Variants in SMAD4 observed in about 807,000 individuals in gnomAD.
SMAD4 encodes the protein MAD homolog 4.
Under a neutral mutation model 63.2 loss-of-function variants are expected in SMAD4, and 7 were observed. That is an observed-to-expected ratio of 0.11 (90% CI 0.06 to 0.21). The LOEUF is 0.21. Among genes scored for constraint, SMAD4 ranks in the 10% least tolerant of loss-of-function variants. SMAD4 has a pLI of 1.00. For synonymous variants in SMAD4, 215 were observed against 235.4 expected, an observed-to-expected ratio of 0.91 and a Z score of 0.79; for missense variants, 312 against 693.8, an observed-to-expected ratio of 0.45 and a Z score of 6.18.
intron 4 of SMAD4, among the ~76,000 whole-genome samples, chr18:51,050,060 A>G (rs1307617305): frequency 6.6e-6 from 1 of 152,176 alleles, no homozygotes; most frequent in Non-Finnish European, 1.5e-5. Context: ...AGAAACTCTT[A>G]TAAAGAACCA....
chr18:51,036,272 C>T (rs1909203782), intron 1 of SMAD4, among the ~76,000 whole-genome samples: 1 of 152,092 alleles, frequency 6.6e-6, no homozygotes, highest in Non-Finnish European at 1.5e-5. Flanking sequence ...GGTATTATTT[C>T]TGTATGTTAA....
intron 10 of SMAD4, among the ~76,000 whole-genome samples, chr18:51,073,238 T>C (rs1910364560): frequency 6.6e-6 from 1 of 151,602 alleles, no homozygotes; most frequent in South Asian, 2.1e-4. Context: ...AGAGAGCCTA[T>C]GTGTGACATA....
intron 1 of SMAD4, among the ~76,000 whole-genome samples, chr18:51,040,194 A>G (rs759938694): frequency 6.6e-6 from 1 of 152,138 alleles, no homozygotes; most frequent in African/African-American, 2.4e-5. Flanking sequence ...TGGGAGGCCA[A>G]GGCGGGCAGA....
intron 8 of SMAD4, 102 bp from the exon 9 acceptor site, chr18:51,065,321 T>C: frequency 1.1e-6 from 1 of 928,192 alleles, no homozygotes; most frequent in South Asian, 1.3e-5. Flanking sequence ...CCATCTCCCC[T>C]CCCTTTACCC....
At chr18:51,037,070 G>A (rs1909228748) in intron 1 of SMAD4, among the ~76,000 whole-genome samples, 2 of 152,210 alleles carry the variant, frequency 1.3e-5, no homozygotes, top group Non-Finnish European at 2.9e-5. Context: ...TGTAATCCCA[G>A]CTTCTTGGGA....
At chr18:51,063,054 A>G (rs959714100) in intron 8 of SMAD4, among the ~76,000 whole-genome samples, 6 of 150,950 alleles carry the variant, frequency 4.0e-5, no homozygotes, top group Non-Finnish European at 5.9e-5. Flanking sequence ...GGGTTTCACT[A>G]TGTTGGTCAG....
chr18:51,042,714 A>T (rs1442030072), intron 1 of SMAD4, among the ~76,000 whole-genome samples: 1 of 150,130 alleles, frequency 6.7e-6, no homozygotes, highest in East Asian at 2.0e-4. Context: ...TTTGTTTTTT[A>T]TTTTTGAGAC....
At chr18:51,045,131 G>T (rs1909502920) in intron 1 of SMAD4, 1 of 152,298 alleles carries the variant, frequency 6.6e-6, no homozygotes, top group Admixed American at 6.5e-5. Context: ...AAAGACTGAG[G>T]TAAAGAATCT....
intron 8 of SMAD4, among the ~76,000 whole-genome samples, chr18:51,062,851 GTTTTT>G (rs71171374): frequency 4.6e-5 from 3 of 65,386 alleles, no homozygotes; most frequent in African/African-American, 6.4e-5. Flanking sequence ...GGCTTTACTT[GTTTTT>G]TTTTTTTTTT....
chr18:51,059,859 T>G lies in SMAD4; in HGVS notation c.905-7T>G. On this transcript the variant is annotated splice_polypyrimidine_tract_variant and splice_region_variant and intron_variant, in intron 7 of 11. Coordinates refer to ENST00000342988, the MANE Select transcript of SMAD4 (RefSeq NM_005359.6). ...TAAAAATGGAATTTTTGTTGTCTTT[T>G]CTTTAGGGCCTGTTCACAATGAGCT... The G allele has an allele frequency of 6.2e-7, 1 of 1,609,072 alleles. No homozygotes were observed. Among genetic ancestry groups the G allele is most frequent in the East Asian group, 2.2e-5 (1 of 44,784 alleles).
intron 4 of SMAD4, chr18:51,051,385 A>G (rs775696446): frequency 4.4e-6 from 2 of 456,102 alleles, no homozygotes; most frequent in Non-Finnish European, 8.8e-6. Flanking sequence ...AGCTCCTTCT[A>G]GATTTGGACA....
rs530608237 is a variant in SMAD4, at chr18:51,059,295, A to G, written c.905-571A>G. Among the ~76,000 whole-genome samples, 15 of 152,318 alleles carry G rather than the reference A, an allele frequency of 9.8e-5. No homozygotes were observed. In the South Asian group the frequency reaches 2.9e-3, roughly 29 times the overall value. The stretch of plus-strand genomic sequence containing the variant: ...TGAAGGGTGCTGGGTTTGGACCTTT[A>G]ACAGGCTGTGTGACCATTGACAAGT... On this transcript the variant is annotated intron_variant, in intron 7 of 11. Coordinates refer to ENST00000342988, the MANE Select transcript of SMAD4 (RefSeq NM_005359.6).
chr18:51,078,493 C>T lies in SMAD4; in HGVS notation c.*26C>T, dbSNP rs374562658. 4.0e-5 allele frequency: 60 copies of T among 1,492,176 alleles called. No homozygotes were observed. The African/African-American group carries it at 5.4e-4, about 13-fold the overall frequency. 92.4% of individuals were successfully genotyped at this position (1,492,176 alleles called of 1,614,324 possible). A position where few individuals can be genotyped will look rare whatever the true frequency, so the allele number is the denominator to read the frequency against. The stretch of plus-strand genomic sequence containing the variant: ...GGTCTTTTACCGTTGGGGCCCTTAA[C>T]CTTATCAGGATGGTGGACTACAAAA... On this transcript the variant is annotated 3_prime_UTR_variant, in exon 12 of 12. Coordinates refer to ENST00000342988, the MANE Select transcript of SMAD4 (RefSeq NM_005359.6).
chr18:51,068,028 A>G (rs913229604), intron 10 of SMAD4, among the ~76,000 whole-genome samples: 19 of 152,140 alleles, frequency 1.2e-4, no homozygotes, highest in African/African-American at 3.4e-4. Context: ...CATCCTCAAC[A>G]TTTTCATTGT....
rs760900177 is a variant in SMAD4, at chr18:51,048,655, CACAT to C, written c.250-30_250-27del. The C allele has an allele frequency of 1.7e-5, 27 of 1,598,618 alleles. No homozygotes were observed. The African/African-American group carries it at 3.6e-4, about 21-fold the overall frequency. ...TATAAAAGTGTCTTGCATAATGTGA[CACAT>C]GAATAAATGGTCGTTTATTTTTCTA... On this transcript the variant is annotated intron_variant, in intron 2 of 11. Transcript: ENST00000342988.
intron 10 of SMAD4, among the ~76,000 whole-genome samples, chr18:51,076,080 C>T (rs1910464485): frequency 6.6e-6 from 1 of 152,120 alleles, no homozygotes; most frequent in Non-Finnish European, 1.5e-5. Context: ...TTGATCTAGT[C>T]TTTTTGTTGT....
Position 51,085,028 on chromosome 18 carries a change from A to C in SMAD4, c.*6561A>C, listed in dbSNP as rs777081844. The stretch of plus-strand genomic sequence containing the variant: ...AACAAAGTATGTTTTTGATTAAAAG[A>C]GAAAGCCAACTAAATCATTATGTGC... On this transcript the variant is annotated 3_prime_UTR_variant, in exon 12 of 12. Transcript: ENST00000342988. 2 of 195,654 alleles carry C rather than the reference A, an allele frequency of 1.0e-5. No homozygotes were observed. Among genetic ancestry groups the C allele is most frequent in the African/African-American group, 2.3e-5 (1 of 43,326 alleles). 12.1% of individuals were successfully genotyped at this position (195,654 alleles called of 1,614,324 possible). A position where few individuals can be genotyped will look rare whatever the true frequency, so the allele number is the denominator to read the frequency against.
chr18:51,065,654 A>G (rs530468585), intron 9 of SMAD4, 48 bp downstream of exon 9: 3 of 1,473,286 alleles, frequency 2.0e-6, no homozygotes, highest in African/African-American at 2.8e-5. Flanking sequence ...TGAGCATAGT[A>G]CATTGTCTTT....
chr18:51,060,055 A>G (rs1909966208), intron 8 of SMAD4, 139 bp downstream of exon 8: 7 of 713,124 alleles, frequency 9.8e-6, no homozygotes, highest in South Asian at 1.5e-5. Context: ...GTTAATCAAC[A>G]GTTTGAGTAG....
Sources: allele counts gnomAD v4.1 joint callset (sites outside exome capture counted in the v4.1 genomes callset), GRCh38; gene constraint gnomAD v4.1.1; transcripts MANE v1.5; gene names NCBI Gene and HGNC (gene_info 2026-07-23, HGNC 2026-07-21).